MTUS1: variants seen among roughly 807,000 people sequenced by gnomAD.
MTUS1 encodes microtubule associated scaffold protein 1.
In MTUS1, 109 loss-of-function variants were observed where a neutral mutation model predicts 120.8. That is an observed-to-expected ratio of 0.90 (90% confidence interval 0.77 to 1.06). MTUS1 has a LOEUF of 1.06. Ranked by LOEUF, MTUS1 falls within the 50% of genes least tolerant of loss-of-function variation. The pLI is 0.00. For missense variants in MTUS1, 2,210 were observed against 1,486.3 expected (o/e 1.49, Z -8.01); for synonymous variants, 737 against 550.5 (o/e 1.34, Z -4.74).
At chr8:17,651,381 T>C (rs1806954982) in intron 12 of MTUS1, among the ~76,000 whole-genome samples, 2 of 152,182 alleles carry the variant, frequency 1.3e-5, no homozygotes, top group African/African-American at 2.4e-5. Flanking sequence ...ATGATAATGA[T>C]GACGGATACC....
At chr8:17,656,091 G>A (rs1808165573) in intron 8 of MTUS1, 26 bp from the exon 9 acceptor site, 4 of 1,605,768 alleles carry the variant, frequency 2.5e-6, no homozygotes, top group African/African-American at 1.3e-5. Flanking sequence ...AAAGAAGAGG[G>A]AAGAGGTCAT....
intron 1 of MTUS1, among the ~76,000 whole-genome samples, chr8:17,766,013 C>T (rs796219039): frequency 2.4e-4 from 37 of 152,196 alleles, no homozygotes; most frequent in African/African-American, 7.7e-4. Context: ...AAATTATACA[C>T]TACAAATTAA....
At chr8:17,799,481 T>A (rs1563414427) in intron 1 of MTUS1, among the ~76,000 whole-genome samples, 1 of 152,148 alleles carries the variant, frequency 6.6e-6, no homozygotes, top group Admixed American at 6.6e-5. Context: ...TGAAATTGCT[T>A]AACTCACTTT....
At chr8:17,676,004 C>T (rs1813026562) in intron 7 of MTUS1, 1 of 482,712 alleles carries the variant, frequency 2.1e-6, no homozygotes. Context: ...ACAGTAATTA[C>T]ATACAGTTCC....
chr8:17,720,609 G>C (rs943624074), intron 4 of MTUS1, among the ~76,000 whole-genome samples: 4 of 152,158 alleles, frequency 2.6e-5, no homozygotes, highest in African/African-American at 7.2e-5. Flanking sequence ...AGGAAGTAAT[G>C]TCTTTGGACC....
chr8:17,765,445 CTCTT>C (rs916458890), intron 1 of MTUS1, among the ~76,000 whole-genome samples: 4 of 151,944 alleles, frequency 2.6e-5, no homozygotes, highest in Non-Finnish European at 2.9e-5. Flanking sequence ...CCTTGCAAAA[CTCTT>C]TCTCTACAAA....
At chr8:17,713,609 G>C (rs1244598865) in intron 5 of MTUS1, among the ~76,000 whole-genome samples, 4 of 152,182 alleles carry the variant, frequency 2.6e-5, no homozygotes, top group African/African-American at 9.7e-5. Flanking sequence ...CGGGAGAGCA[G>C]AGGCCAGACT....
intron 6 of MTUS1, among the ~76,000 whole-genome samples, chr8:17,707,232 G>T (rs1376902520): frequency 6.6e-6 from 1 of 152,094 alleles, no homozygotes; most frequent in Non-Finnish European, 1.5e-5. Context: ...CACCCTTTCA[G>T]TTACATAGAA....
intron 6 of MTUS1, among the ~76,000 whole-genome samples, chr8:17,699,914 T>C (rs1329795838): frequency 6.6e-6 from 1 of 152,220 alleles, no homozygotes; most frequent in African/African-American, 2.4e-5. Flanking sequence ...ATACTATATA[T>C]GCCTCTGGGG....
chr8:17,790,734 C>T (rs1026636273), intron 1 of MTUS1, among the ~76,000 whole-genome samples: 3 of 152,220 alleles, frequency 2.0e-5, no homozygotes, highest in African/African-American at 4.8e-5. Context: ...CTCCTATAAT[C>T]CCAGCACTTC....
At chr8:17,789,035 T>C (rs933439345) in intron 1 of MTUS1, among the ~76,000 whole-genome samples, 1 of 149,214 alleles carries the variant, frequency 6.7e-6, no homozygotes, top group African/African-American at 2.6e-5. Flanking sequence ...CTTTTAGTTG[T>C]CTTTTTTTTT....
chr8:17,748,873 A>T (rs17634232), intron 2 of MTUS1, among the ~76,000 whole-genome samples: 6,726 of 152,330 alleles, frequency 0.044, 251 homozygotes, highest in East Asian at 0.18. Context: ...TGTATAATAC[A>T]TAGTATGCAC....
At chr8:17,744,052 A>G (rs1225499073) in intron 2 of MTUS1, among the ~76,000 whole-genome samples, 2 of 152,214 alleles carry the variant, frequency 1.3e-5, no homozygotes, top group Non-Finnish European at 2.9e-5. Context: ...GCAAAAAGAC[A>G]CTAAATTCCA....
intron 7 of MTUS1, among the ~76,000 whole-genome samples, chr8:17,676,918 G>T (rs146773586): frequency 5.3e-5 from 8 of 152,196 alleles, no homozygotes; most frequent in African/African-American, 1.7e-4. Flanking sequence ...CTGAGAGTTG[G>T]AGATCCCATA....
At chr8:17,663,549 T>C (rs1435102361) in intron 8 of MTUS1, among the ~76,000 whole-genome samples, 1 of 152,184 alleles carries the variant, frequency 6.6e-6, no homozygotes, top group Admixed American at 6.5e-5. Context: ...AGCTGCTACA[T>C]CACTTGAGCA....
At chr8:17,669,237 T>C (rs13267743) in intron 8 of MTUS1, among the ~76,000 whole-genome samples, 118,669 of 152,182 alleles carry the variant, frequency 0.78, 46,346 homozygotes, top group East Asian at 0.96. Context: ...TGAAATTCAA[T>C]TGAAGATATT....
At chr8:17,668,261 A>C (rs1811308332) in intron 8 of MTUS1, among the ~76,000 whole-genome samples, 1 of 152,188 alleles carries the variant, frequency 6.6e-6, no homozygotes, top group Admixed American at 6.5e-5. Flanking sequence ...GTGTTAGTGC[A>C]TTTTATGTGT....
At chr8:17,795,368 A>C (rs1258062365) in intron 1 of MTUS1, among the ~76,000 whole-genome samples, 6 of 152,208 alleles carry the variant, frequency 3.9e-5, no homozygotes, top group African/African-American at 1.4e-4. Context: ...TAGTCCTCAA[A>C]TTTAAATACT....
At chr8:17,788,651 A>C (rs971420897) in intron 1 of MTUS1, among the ~76,000 whole-genome samples, 1 of 152,158 alleles carries the variant, frequency 6.6e-6, no homozygotes, top group Non-Finnish European at 1.5e-5. Flanking sequence ...AATCTCAACT[A>C]TATTTCTCAA....
Sources: allele counts gnomAD v4.1 joint callset (sites outside exome capture counted in the v4.1 genomes callset), GRCh38; gene constraint gnomAD v4.1.1; transcripts MANE v1.5; gene names NCBI Gene and HGNC (gene_info 2026-07-23, HGNC 2026-07-21).